TUBB3: variants seen among roughly 807,000 people sequenced by gnomAD.
TUBB3 encodes the protein tubulin beta-3 chain.
In TUBB3, 17 loss-of-function variants were observed where a neutral mutation model predicts 37.8. That is an observed-to-expected ratio of 0.45 (90% CI 0.31 to 0.67). The LOEUF is 0.67. Ranked by LOEUF, TUBB3 falls within the 30% of genes least tolerant of loss-of-function variation. The pLI is 0.07. For missense variants in TUBB3, 262 were observed against 657.9 expected (o/e 0.40, Z 6.58); for synonymous variants, 332 against 278.9 (o/e 1.19, Z -1.90).
chr16:89,923,815 G>T (rs536576405), intron 1 of TUBB3, among the ~76,000 whole-genome samples: 2 of 152,278 alleles, frequency 1.3e-5, no homozygotes, highest in African/African-American at 4.8e-5. Flanking sequence ...CCGCGGCATA[G>T]CCTTGAGTGA....
At chr16:89,928,865 T>G (rs572943977) in intron 1 of TUBB3, among the ~76,000 whole-genome samples, 1 of 151,994 alleles carries the variant, frequency 6.6e-6, no homozygotes, top group African/African-American at 2.4e-5. Flanking sequence ...GGTTTCACCA[T>G]GTTGGTCAGG....
At chr16:89,934,209 TGCCTGTGTCCTGGGGCGGGGCCGTGG>T (rs2030373886) in intron 3 of TUBB3, 1 of 309,764 alleles carries the variant, frequency 3.2e-6, no homozygotes, top group African/African-American at 3.5e-5. Flanking sequence ...CACGTTCCCA[TGCCTGTGTCCTGGGGCGGGGCCGTGG>T]ATGCCACGTT....
chr16:89,923,974 G>T (rs903404979), intron 1 of TUBB3, among the ~76,000 whole-genome samples: 1 of 152,116 alleles, frequency 6.6e-6, no homozygotes, highest in Non-Finnish European at 1.5e-5. Flanking sequence ...ACACCCCTCG[G>T]CGTCCTAGCT....
rs940404808 is a variant in TUBB3 at position 89,932,034 on chromosome 16, G to A, written c.58-537G>A. On this transcript the variant is annotated intron_variant, in intron 1 of 3. Coordinates refer to ENST00000315491, the MANE Select transcript of TUBB3 (RefSeq NM_006086.4). Reference sequence around the variant, plus strand: ...GGCTCTCAGAGTCCCTGTGAGTCCCGTCAGCTGAGGCCAGTAATGTCCTGG... The same window carrying A: ...GGCTCTCAGAGTCCCTGTGAGTCCCATCAGCTGAGGCCAGTAATGTCCTGG... 37 of 277,988 alleles carry A rather than the reference G, an allele frequency of 1.3e-4. 1 individual carries two copies. Among genetic ancestry groups the A allele is most frequent in the Admixed American group, 3.4e-4 (8 of 23,772 alleles). The allele number at this position is 277,988 out of a possible 1,614,324, so 17.2% of individuals were successfully genotyped here. A position where few individuals can be genotyped will look rare whatever the true frequency, so the allele number is the denominator to read the frequency against.
intron 1 of TUBB3, among the ~76,000 whole-genome samples, chr16:89,929,508 C>G (rs959820000): frequency 6.6e-6 from 1 of 152,100 alleles, no homozygotes; most frequent in Non-Finnish European, 1.5e-5. Flanking sequence ...TATGTTTATT[C>G]TTAAGGTTTT....
chr16:89,932,906 A>G (rs2030326949), intron 2 of TUBB3: 7 of 589,332 alleles, frequency 1.2e-5, no homozygotes, highest in South Asian at 1.1e-4. Flanking sequence ...TATTAGTGCC[A>G]TGAGGGCCTG....
chr16:89,932,090 T>A (rs571401318), intron 1 of TUBB3: 3 of 297,984 alleles, frequency 1.0e-5, no homozygotes, highest in Non-Finnish European at 2.0e-5. Flanking sequence ...TGCTCTCCCA[T>A]GGAGGGGCAG....
intron 1 of TUBB3, among the ~76,000 whole-genome samples, chr16:89,928,746 G>T (rs962088840): frequency 6.6e-6 from 1 of 151,824 alleles, no homozygotes; most frequent in African/African-American, 2.4e-5. Flanking sequence ...GGATGGTCTC[G>T]ATCTCCTGAC....
At chr16:89,922,194 A>T (rs945097802), upstream of TUBB3, 10 of 152,374 alleles carry the variant, frequency 6.6e-5, no homozygotes, top group African/African-American at 2.2e-4. Flanking sequence ...GTACAGGTCC[A>T]CGCCACCCAC....
Position 89,935,116 on chromosome 16 carries a change from A to G in TUBB3, c.665A>G (p.Tyr222Cys). Residue 222 changes from tyrosine to cysteine, a missense_variant, in exon 4 of 4, where the codon TAC (tyrosine) becomes TGC (cysteine). Physicochemically the swap from Tyr to Cys is radical, Grantham distance 194 (BLOSUM62 -2). This residue lies in a region of TUBB3 where 165 missense variants were observed against 556.8 expected (regional missense o/e 0.30). Transcript: ENST00000315491. ...FRTLKLATPT[Y>C]GDLNHLVSAT... Reference sequence around the variant, plus strand: ...ACCCTCAAGCTGGCCACGCCCACCTACGGGGACCTCAACCACCTGGTATCG... The same window carrying G: ...ACCCTCAAGCTGGCCACGCCCACCTGCGGGGACCTCAACCACCTGGTATCG... 6.2e-7 allele frequency: 1 copy of G among 1,614,124 alleles called. No individual in the cohort carries two copies. Among genetic ancestry groups the G allele is most frequent in the Non-Finnish European group, 8.5e-7 (1 of 1,180,006 alleles).
chr16:89,933,096 A>T (rs1567764137), intron 2 of TUBB3: 1 of 490,296 alleles, frequency 2.0e-6, no homozygotes, highest in East Asian at 4.6e-5. Context: ...GTGATTTAAA[A>T]TTTTATTTAA....
Position 89,934,829 on chromosome 16 carries a change from C to G in TUBB3, c.378C>G (p.Asn126Lys), listed in dbSNP as rs1597424672. ...ATGTGGTGCGGAAGGAGTGTGAAAA[C>G]TGCGACTGCCTGCAGGGCTTCCAGC... is the stretch of plus-strand genomic sequence containing the variant. Reference protein sequence around the residue: ...VLDVVRKECENCDCLQGFQLT... With the variant: ...VLDVVRKECEKCDCLQGFQLT... The change falls in exon 4 of 4, where the codon AAC (asparagine) becomes AAG (lysine). Residue 126 changes from asparagine to lysine, a missense_variant. Around this residue, in one of 3 missense-constraint regions of TUBB3, gnomAD observed 165 missense variants for 556.8 expected, o/e 0.30. Transcript: ENST00000315491. 1 of 1,614,022 alleles carries G rather than the reference C, an allele frequency of 6.2e-7. No homozygotes were observed. The highest frequency in any genetic ancestry group is 1.3e-5 in the African/African-American group (1 of 74,898).
Position 89,932,647 on chromosome 16 carries a change from A to G in TUBB3, c.134A>G (p.Glu45Gly). The change falls in exon 2 of 4, where the codon GAG becomes GGG. Residue 45 changes from glutamate (E) to glycine (G), a missense_variant. Around this residue, in one of 3 missense-constraint regions of TUBB3, gnomAD observed 58 missense variants for 74.2 expected, o/e 0.78. Transcript: ENST00000315491. ...NYVGDSDLQL[E>G]RISVYYNEAS... ...GTGGGCGACTCGGACTTGCAGCTGG[A>G]GCGGATCAGCGTCTACTACAACGAG... 1 of 1,614,066 alleles carries G rather than the reference A, an allele frequency of 6.2e-7. No homozygotes were observed. Among genetic ancestry groups the G allele is most frequent in the Non-Finnish European group, 8.5e-7 (1 of 1,180,008 alleles).
At chr16:89,924,914 C>A (rs938861921) in intron 1 of TUBB3, among the ~76,000 whole-genome samples, 1 of 149,824 alleles carries the variant, frequency 6.7e-6, no homozygotes, top group Middle Eastern at 3.2e-3. Context: ...CTCCCCTGAG[C>A]ATCTGCTCCT....
intron 1 of TUBB3, among the ~76,000 whole-genome samples, chr16:89,932,347 C>G (rs1023729144): frequency 1.3e-5 from 2 of 152,236 alleles, no homozygotes; most frequent in African/African-American, 2.4e-5. Flanking sequence ...TTGGCCCACC[C>G]TGGGGCTGTG....
In TUBB3 at chr16:89,923,378, A is replaced by T. The variant is rs763529853; in HGVS notation, c.-24A>T. On this transcript the variant is annotated 5_prime_UTR_variant, in exon 1 of 4. Coordinates refer to ENST00000315491, the MANE Select transcript of TUBB3 (RefSeq NM_006086.4). ...GCCCGGCCCGCCCGCGCCCGTCCGC[A>T]GCCGCCCGCCAGACGCGCCCAGTAT... 1 of 1,458,080 alleles carries T rather than the reference A, an allele frequency of 6.9e-7. No homozygotes were observed. The highest frequency in any genetic ancestry group is 9.1e-7 in the Non-Finnish European group (1 of 1,101,258). 90.3% of individuals were successfully genotyped at this position (1,458,080 alleles called of 1,614,324 possible).
At chr16:89,933,632 A>G in intron 3 of TUBB3, 54 bp downstream of exon 3, 1 of 1,409,274 alleles carries the variant, frequency 7.1e-7, no homozygotes, top group Non-Finnish European at 1.0e-6. Flanking sequence ...AGGCAAGCCC[A>G]GGTCGGTGGA....
chr16:89,935,567 G>T lies in TUBB3; in HGVS notation c.1116G>T (p.Thr372=). The T allele has an allele frequency of 6.2e-7, 1 of 1,614,058 alleles. No homozygotes were observed. The highest frequency in any genetic ancestry group is 8.5e-7 in the Non-Finnish European group (1 of 1,180,032). Residue 372 remains threonine, a synonymous_variant, in exon 4 of 4, where the codon ACG becomes ACT. Coordinates refer to ENST00000315491, the MANE Select transcript of TUBB3 (RefSeq NM_006086.4). ...KMSSTFIGNS[T]AIQELFKRIS... Reference sequence around the variant, plus strand: ...CCTCCACCTTCATCGGGAACAGCACGGCCATCCAGGAGCTGTTCAAGCGCA... The same window carrying T: ...CCTCCACCTTCATCGGGAACAGCACTGCCATCCAGGAGCTGTTCAAGCGCA...
intron 1 of TUBB3, 47 bp downstream of exon 1, chr16:89,923,505 G>A: frequency 1.5e-6 from 2 of 1,376,646 alleles, no homozygotes. Context: ...GGCGGGAGGA[G>A]GGAGGCGCCG....
Sources: allele counts gnomAD v4.1 joint callset (sites outside exome capture counted in the v4.1 genomes callset), GRCh38; gene constraint gnomAD v4.1.1; regional missense constraint gnomAD v4.1.1; transcripts MANE v1.5; gene names NCBI Gene and HGNC (gene_info 2026-07-23, HGNC 2026-07-21).